The following NRG3 variants were observed in gnomAD, a reference collection of about 807,000 sequenced individuals.
NRG3 encodes the protein pro-neuregulin-3, membrane-bound isoform.
A neutral mutation model predicts 66.9 loss-of-function variants in NRG3; 31 were observed. The ratio of observed to expected loss-of-function variants is 0.46; its 90% CI spans 0.35 to 0.63. NRG3 has a LOEUF of 0.63. Among genes scored for constraint, NRG3 ranks in the 20% least tolerant of loss-of-function variants. NRG3 has a pLI of 0.00. For missense variants in NRG3, 910 were observed against 878.9 expected, an observed-to-expected ratio of 1.04 and a Z score of -0.45; for synonymous variants, 393 against 359.4, an observed-to-expected ratio of 1.09 and a Z score of -1.06.
intron 1 of NRG3, among the ~76,000 whole-genome samples, chr10:81,946,796 T>C (rs1308677634): frequency 6.6e-6 from 1 of 152,200 alleles, no homozygotes; most frequent in Non-Finnish European, 1.5e-5. Context: ...ACAGACTTCT[T>C]CATGAATTTT....
chr10:82,387,572 A>G (rs1234509942), intron 2 of NRG3, among the ~76,000 whole-genome samples: 1 of 152,204 alleles, frequency 6.6e-6, no homozygotes, highest in African/African-American at 2.4e-5. Flanking sequence ...AAACATGTAA[A>G]TTTAATACTT....
chr10:82,374,079 A>C (rs1207903272), intron 2 of NRG3, among the ~76,000 whole-genome samples: 1 of 152,210 alleles, frequency 6.6e-6, no homozygotes, highest in Non-Finnish European at 1.5e-5. Flanking sequence ...TCAATGAAAA[A>C]TACGCTAAAT....
At chr10:82,132,270 T>C (rs1411754603) in intron 1 of NRG3, among the ~76,000 whole-genome samples, 2 of 151,290 alleles carry the variant, frequency 1.3e-5, no homozygotes, top group East Asian at 3.9e-4. Flanking sequence ...AACAAATGCA[T>C]TTTCAATATC....
intron 2 of NRG3, among the ~76,000 whole-genome samples, chr10:82,488,221 T>A (rs1165130704): frequency 6.6e-6 from 1 of 152,172 alleles, no homozygotes; most frequent in African/African-American, 2.4e-5. Context: ...TTCCAATTCT[T>A]AAGCACCTTA....
intron 1 of NRG3, among the ~76,000 whole-genome samples, chr10:82,047,122 T>G (rs1489204452): frequency 2.7e-4 from 41 of 151,482 alleles, no homozygotes; most frequent in Admixed American, 2.2e-3. Context: ...TTCTATTGAT[T>G]GGAATAGTTT....
At chr10:82,447,206 G>T (rs2090772646) in intron 2 of NRG3, among the ~76,000 whole-genome samples, 1 of 152,190 alleles carries the variant, frequency 6.6e-6, no homozygotes, top group African/African-American at 2.4e-5. Context: ...TATGGTAAAT[G>T]CAGAGTGCCA....
chr10:82,400,211 T>TATATAAATATATAAA (rs2086988559), intron 2 of NRG3, among the ~76,000 whole-genome samples: 1 of 152,166 alleles, frequency 6.6e-6, no homozygotes, highest in African/African-American at 2.4e-5. Context: ...GTAATGTTAG[T>TATATAAATATATAAA]AATAAAATCT....
chr10:82,384,227 C>A (rs1458013964), intron 2 of NRG3, among the ~76,000 whole-genome samples: 1 of 151,834 alleles, frequency 6.6e-6, no homozygotes, highest in Non-Finnish European at 1.5e-5. Context: ...TTCTTTTTCT[C>A]TAAATGCAAA....
At chr10:82,486,508 G>A (rs1378910581) in intron 2 of NRG3, among the ~76,000 whole-genome samples, 4 of 151,786 alleles carry the variant, frequency 2.6e-5, no homozygotes, top group Non-Finnish European at 5.9e-5. Context: ...TCTGTCTCCC[G>A]GGTTGAAGCA....
intron 1 of NRG3, among the ~76,000 whole-genome samples, chr10:82,173,281 T>C (rs2072770944): frequency 6.6e-6 from 1 of 152,182 alleles, no homozygotes; most frequent in Middle Eastern, 3.4e-3. Flanking sequence ...TTTTTTTTTT[T>C]TCCATTTGTC....
chr10:81,955,181 A>G (rs1015252922), intron 1 of NRG3, among the ~76,000 whole-genome samples: 1 of 148,034 alleles, frequency 6.8e-6, no homozygotes, highest in Non-Finnish European at 1.5e-5. Flanking sequence ...TACTATATAT[A>G]TTATATATAT....
At chr10:82,163,426 G>C (rs2071763545) in intron 1 of NRG3, among the ~76,000 whole-genome samples, 1 of 152,150 alleles carries the variant, frequency 6.6e-6, no homozygotes, top group African/African-American at 2.4e-5. Context: ...CAAAGAAGGA[G>C]ATAAAAATCA....
chr10:82,805,260 G>T (rs2061228045), intron 3 of NRG3, among the ~76,000 whole-genome samples: 1 of 152,094 alleles, frequency 6.6e-6, no homozygotes, highest in South Asian at 2.1e-4. Context: ...TAGTTAGACT[G>T]CAGCTTTCAC....
intron 2 of NRG3, among the ~76,000 whole-genome samples, chr10:82,694,159 C>T (rs955008156): frequency 3.1e-4 from 46 of 147,002 alleles, no homozygotes; most frequent in African/African-American, 9.8e-4. Flanking sequence ...AGACACAGAG[C>T]GCTGGTTGGT....
intron 1 of NRG3, among the ~76,000 whole-genome samples, chr10:82,212,760 TTATC>T (rs1390077689): frequency 5.9e-5 from 9 of 152,238 alleles, no homozygotes; most frequent in African/African-American, 1.2e-4. Flanking sequence ...TATGTGCCAT[TTATC>T]TATTTAGTAT....
At chr10:82,602,659 T>C (rs2047707876) in intron 2 of NRG3, among the ~76,000 whole-genome samples, 1 of 152,168 alleles carries the variant, frequency 6.6e-6, no homozygotes, top group Admixed American at 6.5e-5. Flanking sequence ...TTTTGAGAAT[T>C]GAATGAGATC....
At chr10:82,408,131 G>GAAAGAAAGAAAA in intron 2 of NRG3, among the ~76,000 whole-genome samples, 1 of 129,866 alleles carries the variant, frequency 7.7e-6, no homozygotes, top group Non-Finnish European at 1.7e-5. Flanking sequence ...AAGAAAGAAA[G>GAAAGAAAGAAAA]AAAGAAAGAA....
At chr10:82,023,233 T>A (rs58693959) in intron 1 of NRG3, among the ~76,000 whole-genome samples, 2,549 of 152,160 alleles carry the variant, frequency 0.017, 80 homozygotes, top group African/African-American at 0.058. Context: ...TTTACTGAAT[T>A]CATTTATCAG....
chr10:82,220,742 A>G (rs2075902086), intron 1 of NRG3, among the ~76,000 whole-genome samples: 1 of 152,174 alleles, frequency 6.6e-6, no homozygotes, highest in South Asian at 2.1e-4. Flanking sequence ...ATAGCTGAGC[A>G]TCATAGCCTG....
Sources: gnomAD v4.1 joint callset for allele counts (sites outside exome capture counted in the v4.1 genomes callset) on GRCh38, gnomAD v4.1.1 for gene constraint, MANE v1.5 for transcripts, NCBI Gene and HGNC (gene_info 2026-07-23, HGNC 2026-07-21) for gene names.